The following ADNP variants were observed in gnomAD, a reference collection of about 807,000 sequenced individuals.
ADNP encodes activity-dependent neuroprotector homeobox protein.
In ADNP, 4 loss-of-function variants were observed where a neutral mutation model predicts 84.9. The ratio of observed to expected loss-of-function variants is 0.05; its 90% CI spans 0.02 to 0.11. The LOEUF (loss-of-function observed/expected upper bound fraction) is 0.11. ADNP is among the 10% of genes least tolerant of loss of function. ADNP has a pLI of 1.00. For synonymous variants in ADNP, 554 were observed against 468.1 expected (o/e 1.18, Z -2.37); for missense variants, 1,132 against 1,326.0 (o/e 0.85, Z 2.27).
Position 50,891,996 on chromosome 20 carries a change from A to T in ADNP, c.2718T>A (p.Asp906Glu). The T allele has an allele frequency of 6.2e-7, 1 of 1,614,194 alleles. No individual in the cohort carries two copies. The highest frequency in any genetic ancestry group is 8.5e-7 in the Non-Finnish European group (1 of 1,180,036). ...VFEVEPKISN[D>E]NPEEHVLKVI... ...CCTTCAGTACATGTTCCTCTGGGTTATCGTTAGAGATTTTAGGTTCAACTT... is the reference window on the plus strand; with the variant it reads ...CCTTCAGTACATGTTCCTCTGGGTTTTCGTTAGAGATTTTAGGTTCAACTT... Residue 906 changes from aspartate (D) to glutamate (E), a missense_variant, in exon 6 of 6, where the codon GAT becomes GAA. Physicochemically the swap from Asp to Glu is conservative, Grantham distance 45. This residue lies in a region of ADNP where 381 missense variants were observed against 319.9 expected (regional missense o/e 1.19). Transcript: ENST00000621696.
At position 50,896,042 on chromosome 20, in the gene ADNP, T is replaced by C. The variant is rs538281771; in HGVS notation, c.202-1530A>G. Among the ~76,000 whole-genome samples, 343 of 151,756 alleles carry C rather than the reference T, an allele frequency of 2.3e-3. 1 individual carries two copies. Among genetic ancestry groups the C allele is most frequent in the Non-Finnish European group, 4.2e-3 (282 of 67,916 alleles). On this transcript the variant is annotated intron_variant, in intron 5 of 5. Coordinates refer to ENST00000621696, the MANE Select transcript of ADNP (RefSeq NM_001282531.3). ...GAGCTTGAGACCAGCCTGACCAACA[T>C]GGTGAAACCCTACCTTTACTGAAAA...
Position 50,893,992 on chromosome 20 carries a change from A to G in ADNP, c.722T>C (p.Ile241Thr). 1 of 1,614,200 alleles carries G rather than the reference A, an allele frequency of 6.2e-7. No homozygotes were observed. Among genetic ancestry groups the G allele is most frequent in the Non-Finnish European group, 8.5e-7 (1 of 1,180,032 alleles). ...ATAGCCTATACGTTCATGGTCTTCG[A>G]TGACATGCTGTACCAAAGCTTCATA... ...KSYEALVQHV[I>T]EDHERIGYQV... is the part of the protein sequence containing the mutation. Residue 241 changes from isoleucine to threonine, a missense_variant, in exon 6 of 6, where the codon ATC becomes ACC. Ile to Thr is a moderately conservative substitution (Grantham distance 89, BLOSUM62 -1). Around this residue, in one of 10 missense-constraint regions of ADNP, gnomAD observed 130 missense variants for 183.7 expected, o/e 0.71. Coordinates refer to ENST00000621696, the MANE Select transcript of ADNP (RefSeq NM_001282531.3). This position sits in a 1 kb window ranked among gnomAD's most constrained non-coding sequence, Gnocchi z 4.4.
At chr20:50,918,096 C>A (rs911533113) in intron 2 of ADNP, among the ~76,000 whole-genome samples, 2 of 151,990 alleles carry the variant, frequency 1.3e-5, no homozygotes, top group Non-Finnish European at 2.9e-5. Flanking sequence ...AGTTTCAGTT[C>A]TGCAAGATTA....
intron 2 of ADNP, among the ~76,000 whole-genome samples, chr20:50,924,351 T>A (rs545933273): frequency 1.9e-4 from 29 of 152,316 alleles, no homozygotes; most frequent in African/African-American, 5.8e-4. Context: ...CTTCTTTACA[T>A]GTAGACGCCA....
intron 2 of ADNP, among the ~76,000 whole-genome samples, chr20:50,923,083 T>C (rs1422364379): frequency 2.0e-5 from 3 of 152,122 alleles, no homozygotes; most frequent in African/African-American, 7.2e-5. Flanking sequence ...TACCCTATAT[T>C]ATAACAAAAC....
intron 2 of ADNP, among the ~76,000 whole-genome samples, chr20:50,921,068 T>C (rs1226528501): frequency 3.9e-5 from 6 of 152,210 alleles, no homozygotes; most frequent in Admixed American, 1.3e-4. Flanking sequence ...CACTATCTCA[T>C]TGTTTTAATG....
chr20:50,913,210 G>A (rs1016277573), intron 2 of ADNP, among the ~76,000 whole-genome samples: 2 of 116,394 alleles, frequency 1.7e-5, no homozygotes, highest in Non-Finnish European at 3.3e-5. Flanking sequence ...CAGAGATCAC[G>A]CCACTGCACT....
chr20:50,893,568 T>A lies in ADNP; in HGVS notation c.1146A>T (p.Ser382=), dbSNP rs776769119. ...SGNGRSYGLG[S]EQRSQAPARY... is the part of the protein sequence containing the mutation. ...TTGCTGGTGCCTGGGACCTCTGCTC[T>A]GACCCAAGCCCATAAGACCTTCCGT... Residue 382 remains serine, a synonymous_variant, in exon 6 of 6, where the codon TCA becomes TCT. Coordinates refer to ENST00000621696, the MANE Select transcript of ADNP (RefSeq NM_001282531.3). This position sits in a 1 kb window ranked among gnomAD's most constrained non-coding sequence, Gnocchi z 4.4. 6.2e-7 allele frequency: 1 copy of A among 1,614,134 alleles called. No homozygotes were observed. The highest frequency in any genetic ancestry group is 1.1e-5 in the South Asian group (1 of 91,076).
chr20:50,930,384 G>A (rs1984614176), intron 1 of ADNP, among the ~76,000 whole-genome samples: 2 of 150,758 alleles, frequency 1.3e-5, no homozygotes, highest in Non-Finnish European at 3.0e-5. Context: ...CCCCAGGTAA[G>A]GGTGGGCAGA....
chr20:50,904,653 A>G (rs911430589), intron 3 of ADNP, 113 bp downstream of exon 3: 1 of 152,248 alleles, frequency 6.6e-6, no homozygotes, highest in African/African-American at 2.4e-5. Context: ...ACAGTTCAGT[A>G]ATGAACTTCA....
Position 50,892,494 on chromosome 20 carries a change from G to C in ADNP, c.2220C>G (p.Ser740Arg), listed in dbSNP as rs771030732. ...GCTCTTCAGGCTTCTCTTCAAAGAA[G>C]CTGGGTGAATCACTATCATCATCTA... ...RKLDDDSDSP[S>R]FFEEKPEEPV... is the part of the protein sequence containing the mutation. Residue 740 changes from serine (S) to arginine (R), a missense_variant, in exon 6 of 6, where the codon AGC (serine) becomes AGG (arginine). Coordinates refer to ENST00000621696, the MANE Select transcript of ADNP (RefSeq NM_001282531.3). 1 of 1,614,214 alleles carries C rather than the reference G, an allele frequency of 6.2e-7. No homozygotes were observed. Among genetic ancestry groups the C allele is most frequent in the South Asian group, 1.1e-5 (1 of 91,078 alleles).
rs116322167 is a variant in ADNP at position 50,911,008 on chromosome 20, A to G, written c.-89-6159T>C. 3.5e-3 allele frequency among the ~76,000 whole-genome samples: 531 copies of G among 152,262 alleles called. 4 individuals are homozygous for G. Among genetic ancestry groups the G allele is most frequent in the African/African-American group, 0.012 (519 of 41,536 alleles). On this transcript the variant is annotated intron_variant, in intron 2 of 5. Transcript: ENST00000621696. ...GAGTGAACTAGCCATACTCATTCCTATTAGTCTTTGCAAATTATACCCACA... is the reference window on the plus strand; with the variant it reads ...GAGTGAACTAGCCATACTCATTCCTGTTAGTCTTTGCAAATTATACCCACA...
chr20:50,923,331 A>G (rs1393486239), intron 2 of ADNP, among the ~76,000 whole-genome samples: 1 of 152,196 alleles, frequency 6.6e-6, no homozygotes, highest in Non-Finnish European at 1.5e-5. Flanking sequence ...TATTTCTTTC[A>G]CTATTCTTGA....
rs372186829 is a variant in ADNP, at chr20:50,925,061, A to G, written c.-90+3590T>C. ...TGTCTTGGAACCAAGGTAGGGATCA[A>G]TAATACCAAAGCTTGTGAGTGAAAT... On this transcript the variant is annotated intron_variant, in intron 2 of 5. Transcript: ENST00000621696. Among the ~76,000 whole-genome samples the G allele has an allele frequency of 3.1e-4, 47 of 152,292 alleles. No individual in the cohort carries two copies. In the East Asian group the frequency reaches 7.9e-3, roughly 26 times the overall value.
At chr20:50,919,889 T>A (rs1045898100) in intron 2 of ADNP, among the ~76,000 whole-genome samples, 1 of 152,116 alleles carries the variant, frequency 6.6e-6, no homozygotes, top group Middle Eastern at 3.2e-3. Flanking sequence ...GGATCTTGAA[T>A]GTGAAGCTGG....
intron 2 of ADNP, among the ~76,000 whole-genome samples, chr20:50,918,690 TAGAGA>T (rs1983699754): frequency 6.6e-6 from 1 of 152,180 alleles, no homozygotes. Flanking sequence ...CATGTGGCAG[TAGAGA>T]AAAGATCTTC....
rs140044512 is a variant in ADNP at position 50,920,883 on chromosome 20, AG to A, written c.-90+7767del. Among the ~76,000 whole-genome samples the A allele has an allele frequency of 6.6e-3, 1,010 of 152,344 alleles. 6 individuals carry two copies. Among genetic ancestry groups the A allele is most frequent in the African/African-American group, 0.019 (782 of 41,594 alleles). ...ACTTCAAACCTCCTTAACAAGAGGT[AG>A]GGTGACATAGCACAGTAAAGCTTTT... On this transcript the variant is annotated intron_variant, in intron 2 of 5. Transcript: ENST00000621696.
chr20:50,903,136 T>C lies in ADNP; in HGVS notation c.108+753A>G, dbSNP rs1600954797. On this transcript the variant is annotated intron_variant, in intron 4 of 5. Coordinates refer to ENST00000621696, the MANE Select transcript of ADNP (RefSeq NM_001282531.3). ...GCTAAATGGATAAACAAGGTAGCTA[T>C]GTTCCCTAGCCACCTAGAACTTAAA... Among the ~76,000 whole-genome samples the C allele has an allele frequency of 2.0e-5, 3 of 152,056 alleles. No homozygotes were observed. In the East Asian group the frequency reaches 5.8e-4, roughly 29 times the overall value.
rs1438893274 is a variant in ADNP at position 50,889,610 on chromosome 20, C to T, written c.*1795G>A. The T allele has an allele frequency of 2.9e-6, 1 of 347,812 alleles. No homozygotes were observed. The highest frequency in any genetic ancestry group is 4.2e-5 in the East Asian group (1 of 23,964). The allele number at this position is 347,812 out of a possible 1,614,324, so 21.5% of individuals were successfully genotyped here. A position where few individuals can be genotyped will look rare whatever the true frequency, so the allele number is the denominator to read the frequency against. ...TTAACAAGAGTCTTTCTTTTGGAAACAGACTCAGAAGTTATGGACATCAGC... is the reference window on the plus strand; with the variant it reads ...TTAACAAGAGTCTTTCTTTTGGAAATAGACTCAGAAGTTATGGACATCAGC... On this transcript the variant is annotated 3_prime_UTR_variant, in exon 6 of 6. Coordinates refer to ENST00000621696, the MANE Select transcript of ADNP (RefSeq NM_001282531.3).
Sources: gnomAD v4.1 joint callset for allele counts (sites outside exome capture counted in the v4.1 genomes callset) on GRCh38, gnomAD v4.1.1 for gene constraint, gnomAD v4.1.1 regional missense constraint, Gnocchi (gnomAD v3.1) non-coding constraint, MANE v1.5 for transcripts, NCBI Gene and HGNC (gene_info 2026-07-23, HGNC 2026-07-21) for gene names.